MYBPC2: variants seen among roughly 807,000 people sequenced by gnomAD.
MYBPC2 encodes the protein myosin-binding protein C, fast-type.
A neutral mutation model predicts 137.0 loss-of-function variants in MYBPC2; 122 were observed. That is an observed-to-expected ratio of 0.89 (90% confidence interval 0.77 to 1.03). The LOEUF (loss-of-function observed/expected upper bound fraction) is 1.03. Among genes scored for constraint, MYBPC2 ranks in the 50% least tolerant of loss-of-function variants. MYBPC2 has a pLI of 0.00. For missense variants in MYBPC2, 1,500 were observed against 1,534.4 expected, an observed-to-expected ratio of 0.98 and a Z score of 0.37; for synonymous variants, 626 against 612.3, an observed-to-expected ratio of 1.02 and a Z score of -0.33.
At chr19:50,441,203 CTA>C in intron 8 of MYBPC2, 127 bp downstream of exon 8, 1 of 1,049,574 alleles carries the variant, frequency 9.5e-7, no homozygotes, top group East Asian at 2.9e-5. Context: ...AGACCCAACT[CTA>C]GCGGTGGGCC....
Position 50,438,467 on chromosome 19 carries a change from T to A in MYBPC2, c.572+749T>A, listed in dbSNP as rs550926029. Among the ~76,000 whole-genome samples the A allele has an allele frequency of 3.3e-5, 5 of 152,190 alleles. No homozygotes were observed. In the East Asian group the frequency reaches 9.6e-4, roughly 29 times the overall value. The stretch of plus-strand genomic sequence containing the variant: ...GACGATGAATGGATGGGTTCATGAA[T>A]AGGTGGCTGAGTTCACCAGTGAAGA... On this transcript the variant is annotated intron_variant, in intron 7 of 27. Transcript: ENST00000357701.
chr19:50,453,787 G>A (rs541696058), intron 16 of MYBPC2, among the ~76,000 whole-genome samples: 6 of 152,124 alleles, frequency 3.9e-5, no homozygotes, highest in East Asian at 1.9e-4. Context: ...TGATCTACCC[G>A]CCTCGGCCTC....
chr19:50,442,175 C>T lies in MYBPC2; in HGVS notation c.770-6C>T, dbSNP rs1465361501. On this transcript the variant is annotated splice_polypyrimidine_tract_variant and splice_region_variant and intron_variant, in intron 8 of 27. Transcript: ENST00000357701. Reference sequence around the variant, plus strand: ...CTCCATCCCCTTTGCATGCCTCAATCTTCAGCATTCACAAAGAAGCTGGAT... The same window carrying T: ...CTCCATCCCCTTTGCATGCCTCAATTTTCAGCATTCACAAAGAAGCTGGAT... The T allele has an allele frequency of 3.2e-6, 5 of 1,585,526 alleles. No homozygotes were observed. Among genetic ancestry groups the T allele is most frequent in the Non-Finnish European group, 4.3e-6 (5 of 1,166,010 alleles).
intron 20 of MYBPC2, among the ~76,000 whole-genome samples, chr19:50,456,486 G>A (rs2039915950): frequency 6.9e-6 from 1 of 145,172 alleles, no homozygotes; most frequent in South Asian, 2.1e-4. Context: ...AGGCTAGAGT[G>A]CAGTGGCACG....
intron 9 of MYBPC2, among the ~76,000 whole-genome samples, chr19:50,442,950 T>TG (rs2039769912): frequency 6.6e-6 from 1 of 151,370 alleles, no homozygotes; most frequent in Admixed American, 6.6e-5. Flanking sequence ...ATTTTTGGGG[T>TG]GTATTTTTGG....
chr19:50,466,182 C>T lies in MYBPC2; in HGVS notation c.3416-13C>T, dbSNP rs755668724. 34 of 1,613,664 alleles carry T rather than the reference C, an allele frequency of 2.1e-5. No individual in the cohort carries two copies. The Admixed American group carries it at 4.5e-4, about 21-fold the overall frequency. On this transcript the variant is annotated splice_polypyrimidine_tract_variant and intron_variant, in intron 27 of 27. Coordinates refer to ENST00000357701, the MANE Select transcript of MYBPC2 (RefSeq NM_004533.4). The surrounding 1 kb of genome is among the most constrained non-coding windows in gnomAD (Gnocchi z 4.9). ...CCCGGGCCTGGCTCACCCGCTTTCT[C>T]GTTTTCCTGCAGTGCCGCAGTGAGA... is the stretch of plus-strand genomic sequence containing the variant.
Position 50,460,225 on chromosome 19 carries a change from A to G in MYBPC2, c.2931+46A>G, listed in dbSNP as rs1373504922. On this transcript the variant is annotated intron_variant, in intron 24 of 27. Transcript: ENST00000357701. ...ATGGGGAAGAGCCGGTGAGGTGGGC[A>G]GAGCAGGTGCAGATGTCCCCCGTTC... 3 of 1,559,360 alleles carry G rather than the reference A, an allele frequency of 1.9e-6. No homozygotes were observed. The South Asian group carries it at 3.7e-5, about 19-fold the overall frequency.
Position 50,464,512 on chromosome 19 carries a change from A to G in MYBPC2, c.3395A>G (p.Glu1132Gly), listed in dbSNP as rs761083817. The G allele has an allele frequency of 6.2e-7, 1 of 1,610,428 alleles. No homozygotes were observed. The highest frequency in any genetic ancestry group is 1.3e-5 in the African/African-American group (1 of 74,898). The change falls in exon 27 of 28, where the codon GAG (glutamate) becomes GGG (glycine). Residue 1132 changes from glutamate to glycine, a missense_variant. Transcript: ENST00000357701. ...AACGAGCTGGGCGAGGCGCTGGCTGAGTGCAAGCTGGAGGTCCGAGGTGAG... is the reference window on the plus strand; with the variant it reads ...AACGAGCTGGGCGAGGCGCTGGCTGGGTGCAAGCTGGAGGTCCGAGGTGAG... Reference protein sequence around the residue: ...AVNELGEALAECKLEVRVPQ With the variant: ...AVNELGEALAGCKLEVRVPQ
At chr19:50,464,246 G>A in intron 26 of MYBPC2, 100 bp from the exon 27 acceptor site, 1 of 1,057,516 alleles carries the variant, frequency 9.5e-7, no homozygotes, top group Non-Finnish European at 1.3e-6. Context: ...GCAAGAGGGT[G>A]GCAGAGCCTA....
Position 50,459,990 on chromosome 19 carries a change from G to A in MYBPC2, c.2792-50G>A, listed in dbSNP as rs767998714. On this transcript the variant is annotated intron_variant, in intron 23 of 27. Coordinates refer to ENST00000357701, the MANE Select transcript of MYBPC2 (RefSeq NM_004533.4). The stretch of plus-strand genomic sequence containing the variant: ...GTGGAGAGGGGAGGGGAGGGAAGCG[G>A]CTGGACATCCCAAAACCTGGACTGA... The A allele has an allele frequency of 7.7e-6, 12 of 1,548,756 alleles. No homozygotes were observed. The African/African-American group carries it at 1.2e-4, about 16-fold the overall frequency.
At chr19:50,460,282 C>A in intron 24 of MYBPC2, 103 bp downstream of exon 24, 1 of 1,442,500 alleles carries the variant, frequency 6.9e-7, no homozygotes, top group East Asian at 2.5e-5. Context: ...GGCCCAGAGG[C>A]TAGAGGACGG....
At chr19:50,437,993 C>T (rs1160055618) in intron 7 of MYBPC2, among the ~76,000 whole-genome samples, 1 of 152,130 alleles carries the variant, frequency 6.6e-6, no homozygotes, top group Middle Eastern at 3.2e-3. Context: ...CTTAACCCAC[C>T]ATTCTCACAC....
intron 11 of MYBPC2, among the ~76,000 whole-genome samples, chr19:50,444,206 G>C (rs1411161623): frequency 1.6e-5 from 2 of 126,968 alleles, no homozygotes; most frequent in African/African-American, 3.1e-5. Flanking sequence ...ATCCACTCAT[G>C]CATCCATCCA....
Position 50,435,662 on chromosome 19 carries a change from T to G in MYBPC2, c.110-114T>G. On this transcript the variant is annotated intron_variant, in intron 2 of 27. Coordinates refer to ENST00000357701, the MANE Select transcript of MYBPC2 (RefSeq NM_004533.4). The surrounding 1 kb of genome is among the most constrained non-coding windows in gnomAD (Gnocchi z 4.8). ...AAAGCCATTTAACCCCCATGATGTTTGGTTTCTGAGTAGAGGGGCCCTCAC... is the reference window on the plus strand; with the variant it reads ...AAAGCCATTTAACCCCCATGATGTTGGGTTTCTGAGTAGAGGGGCCCTCAC... 1.2e-6 allele frequency: 1 copy of G among 857,656 alleles called. No homozygotes were observed. Among genetic ancestry groups the G allele is most frequent in the South Asian group, 1.9e-5 (1 of 53,240 alleles). 53.1% of individuals were successfully genotyped at this position (857,656 alleles called of 1,614,324 possible). A position where few individuals can be genotyped will look rare whatever the true frequency, so the allele number is the denominator to read the frequency against.
chr19:50,462,532 G>C (rs1008981728), intron 26 of MYBPC2, among the ~76,000 whole-genome samples: 4 of 151,904 alleles, frequency 2.6e-5, no homozygotes, highest in Non-Finnish European at 5.9e-5. Context: ...TCTGACCAGA[G>C]CCCAAGTCTC....
intron 20 of MYBPC2, among the ~76,000 whole-genome samples, chr19:50,457,008 G>A (rs930469891): frequency 5.3e-5 from 8 of 152,222 alleles, no homozygotes; most frequent in African/African-American, 1.9e-4. Context: ...TGATCACCTC[G>A]ACACACTATC....
chr19:50,455,680 C>T (rs768692777), intron 20 of MYBPC2, 36 bp downstream of exon 20: 11 of 1,608,172 alleles, frequency 6.8e-6, no homozygotes, highest in Non-Finnish European at 1.7e-6. Context: ...GGGGTGGTGG[C>T]TAGCACAGGT....
chr19:50,459,039 G>T, intron 22 of MYBPC2, 33 bp downstream of exon 22: 2 of 1,577,436 alleles, frequency 1.3e-6, no homozygotes, highest in Non-Finnish European at 1.7e-6. Context: ...CCGGGGGTCC[G>T]CTCTCGCCGC....
intron 9 of MYBPC2, 60 bp from the exon 10 acceptor site, chr19:50,443,434 G>A: frequency 1.3e-6 from 2 of 1,583,232 alleles, no homozygotes; most frequent in Non-Finnish European, 1.7e-6. Flanking sequence ...GGTAAGCAGA[G>A]CTACCCCAGG....
Sources: gnomAD v4.1 joint callset for allele counts (sites outside exome capture counted in the v4.1 genomes callset) on GRCh38, gnomAD v4.1.1 for gene constraint, Gnocchi (gnomAD v3.1) non-coding constraint, MANE v1.5 for transcripts, NCBI Gene and HGNC (gene_info 2026-07-23, HGNC 2026-07-21) for gene names.